B3GALT1: variants seen among roughly 807,000 people sequenced by gnomAD.
B3GALT1 encodes UDP-Gal:betaGlcNAc beta 1,3-galactosyltransferase, polypeptide 1.
A neutral mutation model predicts 23.2 loss-of-function variants in B3GALT1; 10 were observed. The ratio of observed to expected loss-of-function variants is 0.43; its 90% CI spans 0.27 to 0.73. B3GALT1 has a LOEUF of 0.73. B3GALT1 is among the 30% of genes least tolerant of loss of function. The pLI is 0.21. For missense variants in B3GALT1, 299 were observed against 405.4 expected, an observed-to-expected ratio of 0.74 and a Z score of 2.25; for synonymous variants, 156 against 141.5, an observed-to-expected ratio of 1.10 and a Z score of -0.73.
chr2:167,396,515 CA>C (rs1698098340), intron 1 of B3GALT1, among the ~76,000 whole-genome samples: 2 of 107,624 alleles, frequency 1.9e-5, no homozygotes, highest in East Asian at 2.8e-4. Flanking sequence ...CAAAAGTCTG[CA>C]AATATATATA....
intron 3 of B3GALT1, among the ~76,000 whole-genome samples, chr2:167,681,243 CA>C (rs1191244413): frequency 6.6e-6 from 1 of 151,786 alleles, no homozygotes; most frequent in Non-Finnish European, 1.5e-5. Context: ...TTGCAGCCAT[CA>C]GATATATATA....
At chr2:167,477,959 A>C (rs549709695) in intron 1 of B3GALT1, among the ~76,000 whole-genome samples, 20 of 152,344 alleles carry the variant, frequency 1.3e-4, no homozygotes, top group Admixed American at 1.0e-3. Flanking sequence ...TGTTTCAAAC[A>C]AGATTGATAT....
At chr2:167,449,017 A>T (rs1290857729) in intron 1 of B3GALT1, among the ~76,000 whole-genome samples, 1 of 152,164 alleles carries the variant, frequency 6.6e-6, no homozygotes, top group Middle Eastern at 3.4e-3. Flanking sequence ...GTATAGTTTA[A>T]AGTTGGGTAA....
At chr2:167,552,450 C>G (rs1683765236) in intron 2 of B3GALT1, among the ~76,000 whole-genome samples, 4 of 152,032 alleles carry the variant, frequency 2.6e-5, no homozygotes, top group Admixed American at 2.6e-4. Flanking sequence ...ATTTAAATTT[C>G]CATAAACAAC....
At chr2:167,447,572 TC>T (rs990316785) in intron 1 of B3GALT1, among the ~76,000 whole-genome samples, 2 of 151,862 alleles carry the variant, frequency 1.3e-5, no homozygotes, top group African/African-American at 4.8e-5. Flanking sequence ...CAGGCACCCC[TC>T]CCCCAGCCTC....
At chr2:167,367,596 G>A (rs1697609586) in intron 1 of B3GALT1, among the ~76,000 whole-genome samples, 1 of 152,166 alleles carries the variant, frequency 6.6e-6, no homozygotes, top group African/African-American at 2.4e-5. Flanking sequence ...TGTTCAGCAA[G>A]AGGCATCTGC....
chr2:167,648,458 C>T (rs2105461774), intron 3 of B3GALT1, among the ~76,000 whole-genome samples: 1 of 152,214 alleles, frequency 6.6e-6, no homozygotes, highest in African/African-American at 2.4e-5. Context: ...TGTCTCTACT[C>T]ATCCCATCTC....
At chr2:167,431,924 A>G (rs1698712864) in intron 1 of B3GALT1, among the ~76,000 whole-genome samples, 2 of 152,152 alleles carry the variant, frequency 1.3e-5, no homozygotes, top group South Asian at 2.1e-4. Context: ...TAAAGCCTCA[A>G]AACTACCACT....
intron 1 of B3GALT1, among the ~76,000 whole-genome samples, chr2:167,344,617 G>A (rs990205773): frequency 6.6e-6 from 1 of 152,116 alleles, no homozygotes; most frequent in Non-Finnish European, 1.5e-5. Context: ...AATAGGCCCT[G>A]ATATTAAGTG....
Position 167,349,409 on chromosome 2 carries a change from C to A in B3GALT1, c.-511+56075C>A, listed in dbSNP as rs1398051814. ...TTTACTTCATAATGGCCCCAACGTG[C>A]AAGAATAGTGATGCTGGCAATTCGG... On this transcript the variant is annotated intron_variant, in intron 1 of 4. Coordinates refer to ENST00000392690, the MANE Select transcript of B3GALT1 (RefSeq NM_020981.4). Among the ~76,000 whole-genome samples the A allele has an allele frequency of 7.2e-5, 11 of 151,942 alleles. 1 individual carries two copies. The highest frequency in any genetic ancestry group is 7.2e-4 in the Admixed American group (11 of 15,244).
At chr2:167,700,464 TG>T (rs1686861099) in intron 3 of B3GALT1, among the ~76,000 whole-genome samples, 1 of 152,156 alleles carries the variant, frequency 6.6e-6, no homozygotes, top group African/African-American at 2.4e-5. Flanking sequence ...TAAAAATTTT[TG>T]GAACATCAAT....
chr2:167,697,982 TTTAAA>T (rs1686812547), intron 3 of B3GALT1, among the ~76,000 whole-genome samples: 1 of 152,234 alleles, frequency 6.6e-6, no homozygotes, highest in Non-Finnish European at 1.5e-5. Context: ...CTTTTAAAAA[TTTAAA>T]TTATGTAGCA....
chr2:167,756,442 C>T lies in B3GALT1; in HGVS notation c.-351-62230C>T, dbSNP rs1687820413. On this transcript the variant is annotated intron_variant, in intron 3 of 4. Transcript: ENST00000392690. Reference sequence around the variant, plus strand: ...CTCTTGTTGATCGCATATAAATACACTGAGTGTTGATGGCAAATCATGTTA... The same window carrying T: ...CTCTTGTTGATCGCATATAAATACATTGAGTGTTGATGGCAAATCATGTTA... Among the ~76,000 whole-genome samples, 3 of 152,192 alleles carry T rather than the reference C, an allele frequency of 2.0e-5. No homozygotes were observed. In the South Asian group the frequency reaches 6.2e-4, roughly 32 times the overall value.
At chr2:167,642,954 C>T (rs2105456981) in intron 2 of B3GALT1, among the ~76,000 whole-genome samples, 1 of 152,210 alleles carries the variant, frequency 6.6e-6, no homozygotes, top group Admixed American at 6.5e-5. Flanking sequence ...TTTCAGAGGA[C>T]TCATCCTGCA....
At chr2:167,444,919 G>GT (rs1200002511) in intron 1 of B3GALT1, among the ~76,000 whole-genome samples, 1 of 152,046 alleles carries the variant, frequency 6.6e-6, no homozygotes, top group Non-Finnish European at 1.5e-5. Context: ...TTTTGAATGT[G>GT]TTGCTCTTGC....
chr2:167,523,324 G>A (rs988319898), intron 2 of B3GALT1, among the ~76,000 whole-genome samples: 1 of 152,000 alleles, frequency 6.6e-6, no homozygotes, highest in African/African-American at 2.4e-5. Context: ...AATTACTAAA[G>A]GGTATGTAAT....
At chr2:167,339,713 C>T (rs938248454) in intron 1 of B3GALT1, among the ~76,000 whole-genome samples, 1 of 151,826 alleles carries the variant, frequency 6.6e-6, no homozygotes, top group African/African-American at 2.4e-5. Flanking sequence ...ATATAAGCTT[C>T]CCATTTCGAA....
At chr2:167,462,582 C>A (rs181166933) in intron 1 of B3GALT1, among the ~76,000 whole-genome samples, 1 of 151,992 alleles carries the variant, frequency 6.6e-6, no homozygotes, top group African/African-American at 2.4e-5. Context: ...TTAGTATACC[C>A]GATGAATTGG....
At chr2:167,305,341 A>T (rs1183773889) in intron 1 of B3GALT1, among the ~76,000 whole-genome samples, 1 of 152,146 alleles carries the variant, frequency 6.6e-6, no homozygotes, top group Non-Finnish European at 1.5e-5. Flanking sequence ...CAACTCCATC[A>T]TATTACCTTT....
Sources: allele counts gnomAD v4.1 joint callset (sites outside exome capture counted in the v4.1 genomes callset), GRCh38; gene constraint gnomAD v4.1.1; transcripts MANE v1.5; gene names NCBI Gene and HGNC (gene_info 2026-07-23, HGNC 2026-07-21).